Variants in SLIT3 observed in about 807,000 individuals in gnomAD.
SLIT3 encodes slit guidance ligand 3, also known as slit homolog 3 protein.
Under a neutral mutation model 184.0 loss-of-function variants are expected in SLIT3, and 68 were observed. The ratio of observed to expected loss-of-function variants is 0.37; its 90% CI spans 0.30 to 0.45. SLIT3 has a LOEUF of 0.45. SLIT3 is among the 20% of genes least tolerant of loss of function. The pLI is 1.00. For synonymous variants in SLIT3, 831 were observed against 828.6 expected, an observed-to-expected ratio of 1.00 and a Z score of -0.05; for missense variants, 1,707 against 2,026.0, an observed-to-expected ratio of 0.84 and a Z score of 3.02.
intron 4 of SLIT3, among the ~76,000 whole-genome samples, chr5:168,895,527 C>A (rs898211462): frequency 6.6e-6 from 1 of 152,308 alleles, no homozygotes; most frequent in South Asian, 2.1e-4. Flanking sequence ...AATTATCTTC[C>A]ACCAAAGCAG....
intron 1 of SLIT3, among the ~76,000 whole-genome samples, chr5:169,254,255 C>A (rs1176347443): frequency 6.6e-6 from 1 of 152,212 alleles, no homozygotes; most frequent in African/African-American, 2.4e-5. Context: ...TACACTGACC[C>A]TGAGGAGAGG....
intron 4 of SLIT3, among the ~76,000 whole-genome samples, chr5:169,117,140 C>T (rs1282517688): frequency 2.0e-5 from 3 of 152,136 alleles, no homozygotes; most frequent in Non-Finnish European, 2.9e-5. Flanking sequence ...TCACAAGTAG[C>T]GTGGAATGAG....
chr5:168,849,197 A>G (rs1029281547), intron 5 of SLIT3, among the ~76,000 whole-genome samples: 2 of 152,208 alleles, frequency 1.3e-5, no homozygotes, highest in Non-Finnish European at 2.9e-5. Flanking sequence ...ATCTACATGC[A>G]AGGTCTGCAC....
chr5:168,753,031 G>C lies in SLIT3; in HGVS notation c.1897C>G (p.Leu633Val). 1.2e-6 allele frequency: 2 copies of C among 1,614,084 alleles called. No individual in the cohort carries two copies. The highest frequency in any genetic ancestry group is 1.7e-6 in the Non-Finnish European group (2 of 1,179,976). Residue 633 changes from leucine (L) to valine (V), a missense_variant, in exon 18 of 36, where the codon CTG becomes GTG. Coordinates refer to ENST00000519560, the MANE Select transcript of SLIT3 (RefSeq NM_003062.4). ...ATCCGATTGTCATAGAGGGACAGCA[G>C]TCTCACCGAACTCAGGCCGGCAAAG... ...DTFAGLSSVRLLSLYDNRITT... is the reference protein window; with the variant it reads ...DTFAGLSSVRVLSLYDNRITT...
chr5:168,916,837 T>C (rs1761451868), intron 4 of SLIT3, among the ~76,000 whole-genome samples: 1 of 152,214 alleles, frequency 6.6e-6, no homozygotes, highest in Non-Finnish European at 1.5e-5. Flanking sequence ...CAGGCAACTT[T>C]TCTTCCAGCT....
At chr5:168,765,604 C>T (rs180735540) in intron 14 of SLIT3, among the ~76,000 whole-genome samples, 66 of 152,286 alleles carry the variant, frequency 4.3e-4, no homozygotes, top group Admixed American at 3.9e-3. Flanking sequence ...TCATAACTAC[C>T]CCAAAGTATT....
chr5:168,852,289 C>G (rs1420398573), intron 5 of SLIT3, among the ~76,000 whole-genome samples: 2 of 152,190 alleles, frequency 1.3e-5, no homozygotes, highest in Admixed American at 6.5e-5. Context: ...TTTTTTTACT[C>G]TGTTTTTCTA....
intron 12 of SLIT3, among the ~76,000 whole-genome samples, chr5:168,780,618 C>T (rs1210072710): frequency 6.6e-6 from 1 of 152,200 alleles, no homozygotes; most frequent in African/African-American, 2.4e-5. Context: ...GGCACGAACG[C>T]TTAGTGAAGA....
At chr5:169,115,277 C>T (rs772545959) in intron 4 of SLIT3, among the ~76,000 whole-genome samples, 2 of 152,142 alleles carry the variant, frequency 1.3e-5, no homozygotes, top group African/African-American at 4.8e-5. Flanking sequence ...TCTTCCCCAT[C>T]CCACCTAGAC....
At chr5:169,186,333 G>A (rs572171540) in intron 4 of SLIT3, among the ~76,000 whole-genome samples, 2 of 152,284 alleles carry the variant, frequency 1.3e-5, no homozygotes, top group African/African-American at 4.8e-5. Context: ...AGGGAAGGTG[G>A]CTATCTGCAA....
intron 4 of SLIT3, among the ~76,000 whole-genome samples, chr5:168,939,013 C>A (rs147321271): frequency 6.6e-6 from 1 of 152,220 alleles, no homozygotes; most frequent in East Asian, 1.9e-4. Flanking sequence ...AGCTACAGAT[C>A]CACTGCAGGA....
intron 4 of SLIT3, among the ~76,000 whole-genome samples, chr5:168,931,900 G>C (rs75644844): frequency 0.014 from 2,128 of 152,190 alleles, 60 homozygotes; most frequent in East Asian, 0.13. Context: ...ACGTACCCAA[G>C]AGCTGAAGTC....
At chr5:168,723,361 T>TATCTACTCACTCATCCACCCACTC (rs1763006926) in intron 21 of SLIT3, among the ~76,000 whole-genome samples, 7 of 148,012 alleles carry the variant, frequency 4.7e-5, no homozygotes, top group South Asian at 2.3e-4. Context: ...TCCACCCACT[T>TATCTACTCACTCATCCACCCACTC]ATCTACTCAC....
At chr5:168,759,430 G>A (rs974702086) in intron 16 of SLIT3, among the ~76,000 whole-genome samples, 8 of 152,110 alleles carry the variant, frequency 5.3e-5, no homozygotes, top group African/African-American at 1.7e-4. Context: ...CTGCTCTCAC[G>A]CACATATGTC....
rs573176482 is a variant in SLIT3 at position 169,199,144 on chromosome 5, G to A, written c.342-5594C>T. On this transcript the variant is annotated intron_variant, in intron 3 of 35. Transcript: ENST00000519560. ...TCTTGGGTAACTAGTGTCTCTGCAT[G>A]AAGACCTAATTAAGGATAACAGTGC... 3.2e-4 allele frequency among the ~76,000 whole-genome samples: 48 copies of A among 152,282 alleles called. 1 individual carries two copies. Among genetic ancestry groups the A allele is most frequent in the Admixed American group, 2.6e-3 (39 of 15,290 alleles).
intron 1 of SLIT3, among the ~76,000 whole-genome samples, chr5:169,256,348 T>C (rs535189987): frequency 6.6e-6 from 1 of 152,328 alleles, no homozygotes; most frequent in African/African-American, 2.4e-5. Context: ...TTGCTCAGCA[T>C]TGTCTTACAA....
intron 6 of SLIT3, among the ~76,000 whole-genome samples, chr5:168,840,900 A>G (rs1038139918): frequency 1.3e-5 from 2 of 152,212 alleles, no homozygotes; most frequent in Non-Finnish European, 2.9e-5. Flanking sequence ...TGGGGCGACA[A>G]GTGTATCAGT....
intron 4 of SLIT3, among the ~76,000 whole-genome samples, chr5:169,082,259 C>T (rs953182645): frequency 6.6e-6 from 1 of 152,128 alleles, no homozygotes; most frequent in Non-Finnish European, 1.5e-5. Flanking sequence ...TTCTATTTTC[C>T]CACCAATGCA....
At chr5:168,783,188 A>G (rs1447895910) in intron 12 of SLIT3, among the ~76,000 whole-genome samples, 1 of 152,118 alleles carries the variant, frequency 6.6e-6, no homozygotes, top group African/African-American at 2.4e-5. Context: ...GAAGGGGGTA[A>G]CTTGTGAGGC....
Sources: allele counts gnomAD v4.1 joint callset (sites outside exome capture counted in the v4.1 genomes callset), GRCh38; gene constraint gnomAD v4.1.1; transcripts MANE v1.5; gene names NCBI Gene and HGNC (gene_info 2026-07-23, HGNC 2026-07-21).